The following CMSS1 variants were observed in gnomAD, a reference collection of about 807,000 sequenced individuals.
The protein encoded by CMSS1 is cms1 ribosomal small subunit homolog.
In CMSS1, 33 loss-of-function variants were observed where a neutral mutation model predicts 43.5. That is an observed-to-expected ratio of 0.76 (90% CI 0.57 to 1.01). The LOEUF (loss-of-function observed/expected upper bound fraction) is 1.01. Ranked by LOEUF, CMSS1 falls within the 50% of genes least tolerant of loss-of-function variation. The pLI is 0.00. For synonymous variants in CMSS1, 115 were observed against 117.2 expected (o/e 0.98, Z 0.12); for missense variants, 313 against 326.4 (o/e 0.96, Z 0.32).
intron 1 of CMSS1, among the ~76,000 whole-genome samples, chr3:99,832,507 G>C (rs1391807882): frequency 6.9e-6 from 1 of 144,082 alleles, no homozygotes; most frequent in Non-Finnish European, 1.5e-5. Context: ...TGGGATTACA[G>C]GTGTGAGCCA....
Position 99,979,928 on chromosome 3 carries a change from A to T in CMSS1, c.64+161885A>T, listed in dbSNP as rs543819940. 2.0e-5 allele frequency among the ~76,000 whole-genome samples: 3 copies of T among 152,302 alleles called. No individual in the cohort carries two copies. In the South Asian group the frequency reaches 6.2e-4, roughly 32 times the overall value. ...AGTGCTGTGAAGGGTGAGGTAGGAGAACTAATTTGTGGTTAAGGACATTAA... is the reference window on the plus strand; with the variant it reads ...AGTGCTGTGAAGGGTGAGGTAGGAGTACTAATTTGTGGTTAAGGACATTAA... On this transcript the variant is annotated intron_variant, in intron 1 of 9. Coordinates refer to ENST00000421999, the MANE Select transcript of CMSS1 (RefSeq NM_032359.4).
At chr3:99,929,006 G>A (rs1688766) in intron 1 of CMSS1, among the ~76,000 whole-genome samples, 28,247 of 152,156 alleles carry the variant, frequency 0.19, 2,959 homozygotes, top group South Asian at 0.25. Context: ...TTAGAGGTCA[G>A]TCCTGAGGTA....
At chr3:100,101,958 T>A (rs1385019750) in intron 1 of CMSS1, among the ~76,000 whole-genome samples, 2 of 152,186 alleles carry the variant, frequency 1.3e-5, no homozygotes, top group Non-Finnish European at 2.9e-5. Flanking sequence ...ACTCATCATT[T>A]TTTATGGCTG....
At chr3:100,122,471 G>A (rs2066630266) in intron 1 of CMSS1, among the ~76,000 whole-genome samples, 1 of 152,224 alleles carries the variant, frequency 6.6e-6, no homozygotes, top group African/African-American at 2.4e-5. Flanking sequence ...GGAGCCACAT[G>A]GCAAAGTGAC....
chr3:99,881,537 CTTTTTT>C (rs767566245), intron 1 of CMSS1, among the ~76,000 whole-genome samples: 1 of 144,914 alleles, frequency 6.9e-6, no homozygotes, highest in East Asian at 2.0e-4. Context: ...CTCTCTCTCT[CTTTTTT>C]TTTTTTTGAG....
At chr3:100,035,447 A>G (rs916860785) in intron 1 of CMSS1, among the ~76,000 whole-genome samples, 2 of 152,002 alleles carry the variant, frequency 1.3e-5, no homozygotes, top group Middle Eastern at 3.2e-3. Context: ...CTAATTTGGT[A>G]TTTTTAGTAG....
intron 2 of CMSS1, among the ~76,000 whole-genome samples, chr3:100,150,082 C>T (rs2066892241): frequency 6.6e-6 from 1 of 152,172 alleles, no homozygotes; most frequent in Non-Finnish European, 1.5e-5. Context: ...CATCCTCTCT[C>T]TCCCACTGCT....
At chr3:100,020,915 G>T (rs1452841107) in intron 1 of CMSS1, among the ~76,000 whole-genome samples, 1 of 151,956 alleles carries the variant, frequency 6.6e-6, no homozygotes, top group African/African-American at 2.4e-5. Flanking sequence ...CTACAGGCAT[G>T]CGCCATCATG....
chr3:100,038,849 T>G (rs566641232), intron 1 of CMSS1, among the ~76,000 whole-genome samples: 1 of 152,156 alleles, frequency 6.6e-6, no homozygotes, highest in South Asian at 2.1e-4. Flanking sequence ...TATTGTTAAG[T>G]CCAAAAGGCA....
At chr3:100,031,146 A>G (rs2065015844) in intron 1 of CMSS1, among the ~76,000 whole-genome samples, 1 of 152,244 alleles carries the variant, frequency 6.6e-6, no homozygotes, top group East Asian at 1.9e-4. Flanking sequence ...CAGCATTTTT[A>G]GACTATGTAC....
intron 1 of CMSS1, among the ~76,000 whole-genome samples, chr3:100,031,049 T>A (rs1014500365): frequency 2.0e-5 from 3 of 152,214 alleles, no homozygotes; most frequent in African/African-American, 7.2e-5. Context: ...CATAAAATGA[T>A]CTTTGCCCAT....
At chr3:100,027,423 C>A (rs2064945828) in intron 1 of CMSS1, among the ~76,000 whole-genome samples, 1 of 152,094 alleles carries the variant, frequency 6.6e-6, no homozygotes, top group Non-Finnish European at 1.5e-5. Flanking sequence ...CAAACCTGGG[C>A]TGTACTTCTT....
chr3:99,827,018 G>A lies in CMSS1; in HGVS notation c.64+8975G>A, dbSNP rs188111975. ...TCTGCGGAAACAACATGCCCAGGAG[G>A]AAAGATGCTTTATATTTCAGTTGTG... On this transcript the variant is annotated intron_variant, in intron 1 of 9. Coordinates refer to ENST00000421999, the MANE Select transcript of CMSS1 (RefSeq NM_032359.4). Among the ~76,000 whole-genome samples the A allele has an allele frequency of 1.1e-4, 16 of 152,150 alleles. No homozygotes were observed. The East Asian group carries it at 1.4e-3, about 13-fold the overall frequency.
At chr3:99,945,620 C>T (rs1707986003) in intron 1 of CMSS1, among the ~76,000 whole-genome samples, 1 of 152,220 alleles carries the variant, frequency 6.6e-6, no homozygotes, top group Non-Finnish European at 1.5e-5. Flanking sequence ...CATTTACACA[C>T]AGACTAAACT....
At chr3:99,971,141 T>G (rs1006511817) in intron 1 of CMSS1, among the ~76,000 whole-genome samples, 2 of 152,024 alleles carry the variant, frequency 1.3e-5, no homozygotes, top group Admixed American at 6.5e-5. Flanking sequence ...ATCGAGACCA[T>G]CCTGGCTAAC....
chr3:99,856,428 CAT>C (rs1943969874), intron 1 of CMSS1, among the ~76,000 whole-genome samples: 1 of 152,120 alleles, frequency 6.6e-6, no homozygotes, highest in South Asian at 2.1e-4. Context: ...TTGGAGTACT[CAT>C]ATTCATGTTC....
intron 1 of CMSS1, among the ~76,000 whole-genome samples, chr3:99,868,311 A>G (rs931973870): frequency 3.9e-5 from 6 of 152,202 alleles, no homozygotes; most frequent in African/African-American, 7.2e-5. Context: ...CGCTAGAGAC[A>G]GATCTTCAAC....
intron 1 of CMSS1, among the ~76,000 whole-genome samples, chr3:100,082,445 A>G (rs1218930607): frequency 2.6e-5 from 4 of 152,218 alleles, no homozygotes; most frequent in African/African-American, 9.6e-5. Flanking sequence ...TACAGCTTTA[A>G]GACTGGTAGT....
chr3:99,990,062 T>C (rs1407652892), intron 1 of CMSS1, among the ~76,000 whole-genome samples: 1 of 152,224 alleles, frequency 6.6e-6, no homozygotes, highest in African/African-American at 2.4e-5. Context: ...TGCAATTCTC[T>C]GTTTGCCGCT....
Sources: gnomAD v4.1 joint callset for allele counts (sites outside exome capture counted in the v4.1 genomes callset) on GRCh38, gnomAD v4.1.1 for gene constraint, MANE v1.5 for transcripts, NCBI Gene and HGNC (gene_info 2026-07-23, HGNC 2026-07-21) for gene names.